The following LYPD6 variants were observed in gnomAD, a reference collection of about 807,000 sequenced individuals.
LYPD6 encodes LY6/PLAUR domain containing 6, also known as ly6/PLAUR domain-containing protein 6.
Under a neutral mutation model 22.7 loss-of-function variants are expected in LYPD6, and 15 were observed. The ratio of observed to expected loss-of-function variants is 0.66; its 90% CI spans 0.44 to 1.02. The LOEUF is 1.02. LYPD6 is among the 50% of genes least tolerant of loss of function. The probability of loss-of-function intolerance (pLI) is 0.00; values close to 1 mark genes in which losing one functional copy is unlikely to be tolerated. For missense variants in LYPD6, 189 were observed against 208.4 expected (o/e 0.91, Z 0.57); for synonymous variants, 72 against 77.5 (o/e 0.93, Z 0.37).
At chr2:149,404,075 C>T (rs542178240) in intron 1 of LYPD6, among the ~76,000 whole-genome samples, 36 of 152,230 alleles carry the variant, frequency 2.4e-4, no homozygotes, top group African/African-American at 8.2e-4. Flanking sequence ...AGGCTCTGTT[C>T]TGTTCCATTG....
chr2:149,468,538 T>G (rs1681257537), intron 3 of LYPD6, 107 bp from the exon 4 acceptor site: 1 of 1,276,650 alleles, frequency 7.8e-7, no homozygotes, highest in African/African-American at 1.5e-5. Flanking sequence ...ACATCTTATG[T>G]GCTATTAGCT....
At chr2:149,430,134 C>G (rs1683280874) in intron 1 of LYPD6, among the ~76,000 whole-genome samples, 1 of 152,182 alleles carries the variant, frequency 6.6e-6, no homozygotes, top group South Asian at 2.1e-4. Flanking sequence ...AAGTCTCACT[C>G]TGTCACCCAA....
At chr2:149,460,469 A>G (rs1681064788) in intron 3 of LYPD6, among the ~76,000 whole-genome samples, 1 of 152,186 alleles carries the variant, frequency 6.6e-6, no homozygotes, top group South Asian at 2.1e-4. Flanking sequence ...ATCACATAAC[A>G]GAGCTGAAAA....
In LYPD6 at chr2:149,461,515, G is replaced by A. The variant is rs62190611; in HGVS notation, c.218-7130G>A. 5.2e-3 allele frequency among the ~76,000 whole-genome samples: 789 copies of A among 151,840 alleles called. 6 individuals are homozygous for A. Among genetic ancestry groups the A allele is most frequent in the Non-Finnish European group, 7.6e-3 (515 of 67,790 alleles). On this transcript the variant is annotated intron_variant, in intron 3 of 4. Transcript: ENST00000334166. ...AATCTTCCAGAAAATGGAAGAGAAG[G>A]GGGAATACTCAATTCATTTTATCAA...
At chr2:149,484,345 T>C in the LYPD6 span, among the ~76,000 whole-genome samples, 1 of 152,212 alleles carries the variant, frequency 6.6e-6, no homozygotes, top group East Asian at 1.9e-4. Flanking sequence ...CTTGCAGTTA[T>C]GGCTGGGGTA....
At chr2:149,414,740 GA>G (rs1682925359) in intron 1 of LYPD6, among the ~76,000 whole-genome samples, 1 of 152,168 alleles carries the variant, frequency 6.6e-6, no homozygotes, top group Non-Finnish European at 1.5e-5. Flanking sequence ...CTGGGGTTAT[GA>G]AATACCCCAT....
chr2:149,485,245 T>G, the LYPD6 span, among the ~76,000 whole-genome samples: 1 of 152,176 alleles, frequency 6.6e-6, no homozygotes, highest in South Asian at 2.1e-4. Flanking sequence ...TGTAATAAAA[T>G]GGTACATTGG....
At position 149,466,505 on chromosome 2, in the gene LYPD6, C is replaced by CA. The variant is rs1364563557; in HGVS notation, c.218-2134dup. ...GATCTCCCTTCTACCCCCAGAATGG[C>CA]AAAAAATCAGCTTATTAGGTACTAA... On this transcript the variant is annotated intron_variant, in intron 3 of 4. Coordinates refer to ENST00000334166, the MANE Select transcript of LYPD6 (RefSeq NM_194317.5). 2.0e-5 allele frequency among the ~76,000 whole-genome samples: 3 copies of CA among 152,096 alleles called. No individual in the cohort carries two copies. The East Asian group carries it at 5.8e-4, about 29-fold the overall frequency.
chr2:149,411,831 G>A (rs1682854980), intron 1 of LYPD6, among the ~76,000 whole-genome samples: 1 of 152,076 alleles, frequency 6.6e-6, no homozygotes, highest in African/African-American at 2.4e-5. Context: ...CATTAACACA[G>A]TTTAGAAAAT....
chr2:149,348,106 G>A (rs113374273), intron 1 of LYPD6, among the ~76,000 whole-genome samples: 51 of 143,538 alleles, frequency 3.6e-4, no homozygotes, highest in African/African-American at 1.3e-3. Flanking sequence ...CACAGCAACT[G>A]TTCTCATGGA....
chr2:149,436,403 A>G (rs1683431717), intron 1 of LYPD6, among the ~76,000 whole-genome samples: 1 of 152,230 alleles, frequency 6.6e-6, no homozygotes, highest in Admixed American at 6.5e-5. Context: ...AGAAGATAGC[A>G]AGAGAATAGC....
intron 1 of LYPD6, among the ~76,000 whole-genome samples, chr2:149,378,069 T>C (rs1051066887): frequency 6.6e-6 from 1 of 152,134 alleles, no homozygotes; most frequent in Non-Finnish European, 1.5e-5. Context: ...CAAAAGACTT[T>C]CCTAGCTATG....
chr2:149,371,340 A>G (rs1050774669), intron 1 of LYPD6, among the ~76,000 whole-genome samples: 4 of 152,222 alleles, frequency 2.6e-5, no homozygotes, highest in African/African-American at 9.6e-5. Flanking sequence ...GTTTTCTTCC[A>G]TGCATCTTTA....
rs779696113 is a variant in LYPD6, at chr2:149,471,878, C to G, written c.*1028C>G. On this transcript the variant is annotated 3_prime_UTR_variant, in exon 5 of 5. Transcript: ENST00000334166. ...CCCCAGTGACTTTATGGAGAAGATTCTGCATTAAATTGTCTTTCGAATGAT... is the reference window on the plus strand; with the variant it reads ...CCCCAGTGACTTTATGGAGAAGATTGTGCATTAAATTGTCTTTCGAATGAT... 6.6e-6 allele frequency: 1 copy of G among 152,564 alleles called. No homozygotes were observed. Among genetic ancestry groups the G allele is most frequent in the Non-Finnish European group, 1.5e-5 (1 of 68,034 alleles). The allele number at this position is 152,564 out of a possible 1,614,324, so 9.5% of individuals were successfully genotyped here.
chr2:149,333,797 C>G (rs1324594473), intron 1 of LYPD6, among the ~76,000 whole-genome samples: 1 of 152,140 alleles, frequency 6.6e-6, no homozygotes, highest in African/African-American at 2.4e-5. Context: ...TACATTCTTT[C>G]AGGAACTGTT....
At chr2:149,408,894 G>A (rs1199403267) in intron 1 of LYPD6, among the ~76,000 whole-genome samples, 2 of 152,198 alleles carry the variant, frequency 1.3e-5, no homozygotes, top group East Asian at 3.8e-4. Flanking sequence ...TCGACTTTCT[G>A]AATTCTTTTT....
intron 1 of LYPD6, among the ~76,000 whole-genome samples, chr2:149,352,590 G>A (rs913018052): frequency 5.3e-5 from 8 of 152,182 alleles, no homozygotes; most frequent in Non-Finnish European, 7.4e-5. Context: ...GCAGGGGTCA[G>A]TCAAATCTGG....
the LYPD6 span, among the ~76,000 whole-genome samples, chr2:149,485,380 G>T: frequency 6.6e-6 from 1 of 152,194 alleles, no homozygotes; most frequent in Non-Finnish European, 1.5e-5. Context: ...TGAGGCTAAA[G>T]GGTTGCAGAT....
At chr2:149,348,807 G>A (rs1427707050) in intron 1 of LYPD6, among the ~76,000 whole-genome samples, 2 of 152,194 alleles carry the variant, frequency 1.3e-5, no homozygotes, top group Non-Finnish European at 2.9e-5. Flanking sequence ...GGAAGGCAAG[G>A]TTGGAAAGAG....
Sources: gnomAD v4.1 joint callset for allele counts (sites outside exome capture counted in the v4.1 genomes callset) on GRCh38, gnomAD v4.1.1 for gene constraint, MANE v1.5 for transcripts, NCBI Gene and HGNC (gene_info 2026-07-23, HGNC 2026-07-21) for gene names.